Variants in NLRP7 observed in about 807,000 individuals in gnomAD.
NLRP7 encodes the protein NACHT, LRR and PYD domains-containing protein 7.
NLRP7 carries 72 observed loss-of-function variants against 85.5 expected under a neutral mutation model. That is an observed-to-expected ratio of 0.84 (90% CI 0.70 to 1.02). NLRP7 has a LOEUF of 1.02. Ranked by LOEUF, NLRP7 falls within the 50% of genes least tolerant of loss-of-function variation. The pLI is 0.00. For missense variants in NLRP7, 1,243 were observed against 1,219.5 expected, an observed-to-expected ratio of 1.02 and a Z score of -0.29; for synonymous variants, 550 against 505.2, an observed-to-expected ratio of 1.09 and a Z score of -1.19.
At chr19:54,939,823 A>G (rs1447436506) in exon 4 of NLRP7, 7 of 1,613,956 alleles carry the variant, frequency 4.3e-6, no homozygotes, top group Non-Finnish European at 5.9e-6. Context: ...GTCTCAGGAA[A>G]TAGGCCCTCC....
rs145973556 is a variant in NLRP7 at position 54,939,889 on chromosome 19, C to A, written c.930G>T (p.Gln310His). ...CGTAGATCGGCTGCTGCGCCAGGAGCTGGAGGTCCCTCAGTGCCCTGGGCC... is the reference window on the plus strand; with the variant it reads ...CGTAGATCGGCTGCTGCGCCAGGAGATGGAGGTCCCTCAGTGCCCTGGGCC... Residue 310 changes from glutamine (Q) to histidine (H), a missense_variant, in exon 4 of 10, where the codon CAG (glutamine) becomes CAT (histidine). By Grantham distance (24) the Gln-to-His change is conservative. Coordinates refer to ENST00000340844, the Ensembl canonical transcript of NLRP7. The A allele has an allele frequency of 3.1e-3, 4,989 of 1,613,846 alleles. 12 individuals are homozygous for A. The highest frequency in any genetic ancestry group is 3.9e-3 in the Non-Finnish European group (4,625 of 1,179,760).
exon 2 of NLRP7, chr19:54,941,535 G>A (rs372977475): frequency 9.9e-6 from 16 of 1,613,820 alleles, no homozygotes; most frequent in Admixed American, 1.7e-5. Flanking sequence ...AGGAGGTGTT[G>A]ACCAGAATTT....
chr19:54,939,787 C>G, exon 4 of NLRP7: 1 of 1,614,022 alleles, frequency 6.2e-7, no homozygotes. Context: ...CAAAGGCACG[C>G]ATGGCTTGGT....
At chr19:54,935,830 T>C (rs926705336) in intron 6 of NLRP7, among the ~76,000 whole-genome samples, 4 of 152,078 alleles carry the variant, frequency 2.6e-5, no homozygotes, top group African/African-American at 9.7e-5. Context: ...ATGCACTCCA[T>C]AGGATCAGGC....
exon 6 of NLRP7, chr19:54,936,307 G>T (rs759000955): frequency 6.2e-7 from 1 of 1,613,946 alleles, no homozygotes; most frequent in African/African-American, 1.3e-5. Flanking sequence ...AGGTCACACA[G>T]CATCAGCATC....
At chr19:54,953,731 G>A (rs910972050) in intron 1 of NLRP7, among the ~76,000 whole-genome samples, 3 of 152,018 alleles carry the variant, frequency 2.0e-5, no homozygotes, top group East Asian at 1.9e-4. Flanking sequence ...GGCCGGGCGC[G>A]GTGGCTCACA....
exon 4 of NLRP7, chr19:54,940,381 G>A (rs971565866): frequency 1.2e-5 from 19 of 1,614,140 alleles, no homozygotes; most frequent in Non-Finnish European, 1.6e-5. Flanking sequence ...CGTCGTCATG[G>A]AAATTGTCAA....
upstream of NLRP7, chr19:54,947,632 C>T (rs183175938): frequency 7.8e-7 from 1 of 1,289,560 alleles, no homozygotes; most frequent in African/African-American, 1.5e-5. Context: ...AACCACTGAC[C>T]TCAGGCTCAC....
At chr19:54,939,758 G>T in exon 4 of NLRP7, 4 of 1,613,708 alleles carry the variant, frequency 2.5e-6, no homozygotes, top group Non-Finnish European at 3.4e-6. Flanking sequence ...GAACAGGGCC[G>T]CGTTGCTCCT....
chr19:54,933,046 G>T (rs574521348), intron 8 of NLRP7, among the ~76,000 whole-genome samples: 1 of 152,142 alleles, frequency 6.6e-6, no homozygotes, highest in African/African-American at 2.4e-5. Flanking sequence ...CATCAGATCC[G>T]AGAACCAACT....
upstream of NLRP7, among the ~76,000 whole-genome samples, chr19:54,948,004 AGGCCAGTGGATCCC>A (rs2069549943): frequency 6.6e-6 from 1 of 152,216 alleles, no homozygotes; most frequent in East Asian, 1.9e-4. Context: ...TGAGAGGCCT[AGGCCAGTGGATCCC>A]TAGGGGCCAG....
exon 9 of NLRP7, chr19:54,930,641 G>C (rs761824633): frequency 6.2e-7 from 1 of 1,613,550 alleles, no homozygotes; most frequent in Admixed American, 1.7e-5. Context: ...CTACAGCCAA[G>C]CTTGGTTATG....
chr19:54,933,612 A>G, exon 8 of NLRP7: 1 of 1,614,178 alleles, frequency 6.2e-7, no homozygotes. Context: ...AAGCCCTCAC[A>G]CAGAAACTTC....
chr19:54,966,085 G>T (rs1239524129), exon 1 of NLRP7: 1 of 151,002 alleles, frequency 6.6e-6, no homozygotes, highest in Non-Finnish European at 1.5e-5. Flanking sequence ...AGGCTTCTAA[G>T]CGGTGATTCT....
intron 6 of NLRP7, 55 bp downstream of exon 6, chr19:54,936,206 C>T (rs1429598462): frequency 2.6e-6 from 4 of 1,516,928 alleles, no homozygotes; most frequent in African/African-American, 1.4e-5. Flanking sequence ...GATCCCCCAG[C>T]AACACGGTGC....
At chr19:54,943,337 C>T (rs905905575) in intron 1 of NLRP7, among the ~76,000 whole-genome samples, 1 of 151,788 alleles carries the variant, frequency 6.6e-6, no homozygotes, top group Admixed American at 6.6e-5. Flanking sequence ...TGCGGTGGCT[C>T]ACGCCTGTAA....
At position 54,956,007 on chromosome 19, in the gene NLRP7, G is replaced by A. The variant is rs577545707; in HGVS notation, c.-76-8502C>T. Among the ~76,000 whole-genome samples the A allele has an allele frequency of 1.1e-4, 17 of 152,058 alleles. No individual in the cohort carries two copies. The South Asian group carries it at 3.1e-3, about 28-fold the overall frequency. ...AATAAATAAATAGCCAACTGTGATC[G>A]TGCATGCCTGTAGTCCCAGCTACTC... On this transcript the variant is annotated intron_variant, in intron 1 of 2. Coordinates refer to the NLRP7 transcript ENST00000587103.
intron 9 of NLRP7, among the ~76,000 whole-genome samples, 196 bp downstream of exon 10, chr19:54,927,409 T>A (rs557217571): frequency 1.1e-3 from 165 of 145,070 alleles, no homozygotes; most frequent in African/African-American, 4.2e-3. Flanking sequence ...AAGAAAAAAA[T>A]TAGCTGGACA....
chr19:54,934,040 T>G lies in NLRP7; in HGVS notation c.2472-301A>C, dbSNP rs950481969. On this transcript the variant is annotated intron_variant, in intron 7 of 9. Transcript: ENST00000340844. The surrounding 1 kb of genome is among the most constrained non-coding windows in gnomAD (Gnocchi z 6.7). The stretch of plus-strand genomic sequence containing the variant: ...TCACTGCCAATCGCCGCCTCCCAGG[T>G]TTACACCATTCTGCTGACTCAGCCT... Among the ~76,000 whole-genome samples the G allele has an allele frequency of 6.6e-6, 1 of 152,054 alleles. No homozygotes were observed. Among genetic ancestry groups the G allele is most frequent in the African/African-American group, 2.4e-5 (1 of 41,424 alleles).
Sources: gnomAD v4.1 joint callset for allele counts (sites outside exome capture counted in the v4.1 genomes callset) on GRCh38, gnomAD v4.1.1 for gene constraint, Gnocchi (gnomAD v3.1) non-coding constraint, MANE v1.5 for transcripts, NCBI Gene and HGNC (gene_info 2026-07-23, HGNC 2026-07-21) for gene names.